The following RPS6KC1 variants were observed in gnomAD, a reference collection of about 807,000 sequenced individuals.
RPS6KC1 encodes ribosomal protein S6 kinase C1, also known as inactive ribosomal protein S6 kinase delta-1.
Under a neutral mutation model 103.8 loss-of-function variants are expected in RPS6KC1, and 54 were observed. The observed-to-expected ratio is 0.52, with a 90% CI of 0.42 to 0.65. The LOEUF (loss-of-function observed/expected upper bound fraction) is 0.65, where lower values mean the gene tolerates loss of function less well. RPS6KC1 is among the 30% of genes least tolerant of loss of function. The pLI, the probability that RPS6KC1 is intolerant of heterozygous loss-of-function variation, is 0.00. For synonymous variants in RPS6KC1, 439 were observed against 438.7 expected (o/e 1.00, Z -0.01); for missense variants, 1,151 against 1,253.8 (o/e 0.92, Z 1.24).
the RPS6KC1 span, among the ~76,000 whole-genome samples, chr1:213,530,374 A>T: frequency 1.1e-4 from 17 of 152,224 alleles, no homozygotes; most frequent in Non-Finnish European, 2.5e-4. Context: ...GGCATACCTG[A>T]ATTTTCTCTC....
chr1:213,540,177 A>G, the RPS6KC1 span, among the ~76,000 whole-genome samples: 1 of 151,974 alleles, frequency 6.6e-6, no homozygotes. Context: ...CAGTGGTGCA[A>G]TCATAGCACC....
the RPS6KC1 span, among the ~76,000 whole-genome samples, chr1:213,846,372 C>A: frequency 1.3e-5 from 2 of 152,108 alleles, no homozygotes; most frequent in African/African-American, 4.8e-5. Context: ...GAACTCCATA[C>A]CCAATGCGCT....
In RPS6KC1 at chr1:213,114,360, C is replaced by G. The variant is rs567858322; in HGVS notation, c.379-2957C>G. Among the ~76,000 whole-genome samples, 3 of 49,972 alleles carry G rather than the reference C, an allele frequency of 6.0e-5. 1 individual carries two copies. The highest frequency in any genetic ancestry group is 1.2e-4 in the Non-Finnish European group (3 of 25,462). The allele number at this position is 49,972 out of a possible 152,430, so 32.8% of individuals were successfully genotyped here. On this transcript the variant is annotated intron_variant, in intron 4 of 14. Coordinates refer to ENST00000366960, the MANE Select transcript of RPS6KC1 (RefSeq NM_012424.6). ...GTTCACTCATGATTTGGCTCTCTGT[C>G]TGTTGTTGGTGTATAAGAATGCTTG...
chr1:213,490,912 C>A, the RPS6KC1 span, among the ~76,000 whole-genome samples: 1 of 152,158 alleles, frequency 6.6e-6, no homozygotes, highest in Admixed American at 6.5e-5. Flanking sequence ...CCTTCACAGA[C>A]TTTTCAGCTG....
the RPS6KC1 span, among the ~76,000 whole-genome samples, chr1:213,477,352 T>A: frequency 7.5e-6 from 1 of 133,032 alleles, no homozygotes; most frequent in Non-Finnish European, 1.5e-5. Context: ...ATACCCTTAT[T>A]TTTTTTTTTT....
In RPS6KC1 at chr1:213,142,124, A is replaced by G. The variant is rs2087126313; in HGVS notation, c.835+12235A>G. Among the ~76,000 whole-genome samples the G allele has an allele frequency of 2.6e-5, 4 of 151,968 alleles. No homozygotes were observed. The South Asian group carries it at 8.3e-4, about 31-fold the overall frequency. ...GAATCGAACCCTTTATCATTATGTA[A>G]TGCCTTTCCTTGTCCTTTTTGATCA... is the stretch of plus-strand genomic sequence containing the variant. On this transcript the variant is annotated intron_variant, in intron 6 of 14. Coordinates refer to ENST00000366960, the MANE Select transcript of RPS6KC1 (RefSeq NM_012424.6).
At chr1:213,699,662 C>G in the RPS6KC1 span, among the ~76,000 whole-genome samples, 1 of 152,070 alleles carries the variant, frequency 6.6e-6, no homozygotes, top group African/African-American at 2.4e-5. Flanking sequence ...ACATTTCCAC[C>G]AACAATGTAC....
intron 8 of RPS6KC1, among the ~76,000 whole-genome samples, chr1:213,193,953 A>G (rs982417665): frequency 3.3e-5 from 5 of 152,050 alleles, no homozygotes; most frequent in African/African-American, 9.7e-5. Context: ...TTTGGGGTCT[A>G]TTTCTTCAGC....
chr1:213,606,732 G>A, the RPS6KC1 span, among the ~76,000 whole-genome samples: 2 of 152,198 alleles, frequency 1.3e-5, no homozygotes, highest in Non-Finnish European at 2.9e-5. Flanking sequence ...CCCTGGAGAT[G>A]CCCAAACTGT....
At chr1:213,543,660 T>G in the RPS6KC1 span, among the ~76,000 whole-genome samples, 1 of 152,232 alleles carries the variant, frequency 6.6e-6, no homozygotes, top group African/African-American at 2.4e-5. Context: ...AGATCATCCC[T>G]TTTGTCTTCC....
chr1:213,596,836 A>G, the RPS6KC1 span, among the ~76,000 whole-genome samples: 224 of 152,384 alleles, frequency 1.5e-3, 1 homozygote, highest in Non-Finnish European at 2.3e-3. Flanking sequence ...GTGAAGTCAA[A>G]TACTGAGATA....
chr1:213,444,697 T>C, the RPS6KC1 span, among the ~76,000 whole-genome samples: 2 of 134,334 alleles, frequency 1.5e-5, no homozygotes, highest in Admixed American at 8.7e-5. Flanking sequence ...CGAGCTGATA[T>C]CGTGCCATTG....
the RPS6KC1 span, among the ~76,000 whole-genome samples, chr1:213,549,881 A>G: frequency 6.6e-6 from 1 of 151,846 alleles, no homozygotes; most frequent in Non-Finnish European, 1.5e-5. Flanking sequence ...GCCCCAAACC[A>G]TTACCAGTTT....
chr1:213,606,164 A>G, the RPS6KC1 span, among the ~76,000 whole-genome samples: 2 of 152,242 alleles, frequency 1.3e-5, no homozygotes, highest in African/African-American at 4.8e-5. Context: ...CAGATCTCAC[A>G]AAGACACAAA....
At chr1:213,155,802 G>A (rs1377302280) in intron 6 of RPS6KC1, among the ~76,000 whole-genome samples, 1 of 151,842 alleles carries the variant, frequency 6.6e-6, no homozygotes, top group South Asian at 2.1e-4. Flanking sequence ...GTTCTTGTGG[G>A]CTTGGGGATG....
the RPS6KC1 span, among the ~76,000 whole-genome samples, chr1:213,428,530 CT>C: frequency 8.4e-6 from 1 of 119,272 alleles, no homozygotes. Flanking sequence ...CTTTCTCTCT[CT>C]CTCTCTCTCT....
the RPS6KC1 span, among the ~76,000 whole-genome samples, chr1:213,827,654 T>C: frequency 6.6e-6 from 1 of 152,162 alleles, no homozygotes; most frequent in African/African-American, 2.4e-5. Flanking sequence ...TCTTCAAGAA[T>C]CACCATCTAG....
intron 6 of RPS6KC1, among the ~76,000 whole-genome samples, chr1:213,144,419 C>T (rs1383081421): frequency 1.3e-5 from 2 of 151,828 alleles, no homozygotes; most frequent in Non-Finnish European, 2.9e-5. Context: ...GGGATTATAG[C>T]TGTGAAAAAA....
At chr1:213,673,972 T>C in the RPS6KC1 span, among the ~76,000 whole-genome samples, 39,549 of 151,992 alleles carry the variant, frequency 0.26, 6,526 homozygotes, top group African/African-American at 0.47. Flanking sequence ...GTTTTTCAAC[T>C]CTTGACCCTT....
Sources: gnomAD v4.1 joint callset for allele counts (sites outside exome capture counted in the v4.1 genomes callset) on GRCh38, gnomAD v4.1.1 for gene constraint, MANE v1.5 for transcripts, NCBI Gene and HGNC (gene_info 2026-07-23, HGNC 2026-07-21) for gene names.